The following CACNA1C variants were observed in gnomAD, a reference collection of about 807,000 sequenced individuals.
The protein encoded by CACNA1C is voltage-dependent L-type calcium channel subunit alpha-1C.
Under a neutral mutation model 229.0 loss-of-function variants are expected in CACNA1C, and 30 were observed. The observed-to-expected ratio is 0.13, with a 90% CI of 0.10 to 0.18. The LOEUF (loss-of-function observed/expected upper bound fraction) is 0.18. Among genes scored for constraint, CACNA1C ranks in the 10% least tolerant of loss-of-function variants. CACNA1C has a pLI of 1.00. For missense variants in CACNA1C, 1,658 were observed against 2,845.0 expected (o/e 0.58, Z 9.49); for synonymous variants, 1,114 against 1,132.5 (o/e 0.98, Z 0.33).
At chr12:2,395,608 C>T (rs1456873300) in intron 3 of CACNA1C, among the ~76,000 whole-genome samples, 1 of 152,156 alleles carries the variant, frequency 6.6e-6, no homozygotes, top group African/African-American at 2.4e-5. Flanking sequence ...AGTCGGGTCC[C>T]TCTGAGCCTC....
intron 5 of CACNA1C, among the ~76,000 whole-genome samples, chr12:2,463,130 C>T (rs931140789): frequency 1.3e-5 from 2 of 152,014 alleles, no homozygotes; most frequent in Non-Finnish European, 2.9e-5. Context: ...AGGATGGTCT[C>T]GATCTCCTGA....
At chr12:2,379,351 A>C (rs2098169136) in intron 3 of CACNA1C, among the ~76,000 whole-genome samples, 1 of 152,232 alleles carries the variant, frequency 6.6e-6, no homozygotes, top group Non-Finnish European at 1.5e-5. Flanking sequence ...AGCCTTTTAG[A>C]GAAATCTTAA....
At chr12:2,329,449 A>G (rs1245064955) in intron 3 of CACNA1C, among the ~76,000 whole-genome samples, 2 of 152,174 alleles carry the variant, frequency 1.3e-5, no homozygotes, top group Non-Finnish European at 2.9e-5. Context: ...GTGTCAGTGC[A>G]CCACCAGCCA....
In CACNA1C at chr12:2,651,051, G is replaced by T. The variant is rs749026929; in HGVS notation, c.3946-589G>T. Reference sequence around the variant, plus strand: ...GGACAGGGGCTGTGGAAAGTAGAAGGAGGTGATACAAGGAAAGTGCTGGAG... The same window carrying T: ...GGACAGGGGCTGTGGAAAGTAGAAGTAGGTGATACAAGGAAAGTGCTGGAG... On this transcript the variant is annotated intron_variant, in intron 31 of 46. Coordinates refer to ENST00000399655, the MANE Select transcript of CACNA1C (RefSeq NM_000719.7). The surrounding 1 kb of genome is among the most constrained non-coding windows in gnomAD (Gnocchi z 5.4). 1.2e-4 allele frequency: 19 copies of T among 153,072 alleles called. No homozygotes were observed. Among genetic ancestry groups the T allele is most frequent in the South Asian group, 2.1e-4 (1 of 4,860 alleles). The allele number at this position is 153,072 out of a possible 1,614,324, so 9.5% of individuals were successfully genotyped here.
Position 2,630,326 on chromosome 12 carries a change from G to A in CACNA1C, c.3829-3971G>A, listed in dbSNP as rs1330013028. Among the ~76,000 whole-genome samples, 1 of 152,134 alleles carries A rather than the reference G, an allele frequency of 6.6e-6. No homozygotes were observed. The highest frequency in any genetic ancestry group is 2.4e-5 in the African/African-American group (1 of 41,428). ...ATTACTAATGGTTTCCAGCAACCGA[G>A]GGGGCGGGCAAAAACAGAGAGAAGA... On this transcript the variant is annotated intron_variant, in intron 29 of 46. Transcript: ENST00000399655. This position sits in a 1 kb window ranked among gnomAD's most constrained non-coding sequence, Gnocchi z 5.4.
chr12:2,229,355 G>A (rs555620608), intron 3 of CACNA1C, among the ~76,000 whole-genome samples: 12 of 152,244 alleles, frequency 7.9e-5, no homozygotes, highest in African/African-American at 2.9e-4. Flanking sequence ...GCACACCTAG[G>A]AATATATACA....
chr12:2,232,830 A>C (rs975051599), intron 3 of CACNA1C, among the ~76,000 whole-genome samples: 1 of 152,180 alleles, frequency 6.6e-6, no homozygotes, highest in African/African-American at 2.4e-5. Flanking sequence ...TCTATGAGTA[A>C]TAATCCACTA....
chr12:2,067,711 C>T lies in CACNA1C; in HGVS notation c.49+14100C>T, dbSNP rs1488706171. 6.6e-6 allele frequency among the ~76,000 whole-genome samples: 1 copy of T among 152,048 alleles called. No individual in the cohort carries two copies. Among genetic ancestry groups the T allele is most frequent in the African/African-American group, 2.4e-5 (1 of 41,374 alleles). ...GCTTCCCACAGACTGTCTTGGGCAT[C>T]AAGGACAAGGAACCTGCACTGTTAA... On this transcript the variant is annotated intron_variant, in intron 1 of 46. Coordinates refer to ENST00000399655, the MANE Select transcript of CACNA1C (RefSeq NM_000719.7). This position sits in a 1 kb window ranked among gnomAD's most constrained non-coding sequence, Gnocchi z 5.3.
intron 7 of CACNA1C, among the ~76,000 whole-genome samples, chr12:2,502,130 G>GGACCCTGCGTGCTTCCTTCTGC (rs2099761932): frequency 6.6e-6 from 1 of 152,196 alleles, no homozygotes; most frequent in African/African-American, 2.4e-5. Flanking sequence ...AAGCCTTCTG[G>GGACCCTGCGTGCTTCCTTCTGC]GACCCTGCGT....
At chr12:2,387,330 C>A (rs2098409206) in intron 3 of CACNA1C, among the ~76,000 whole-genome samples, 1 of 152,046 alleles carries the variant, frequency 6.6e-6, no homozygotes, top group African/African-American at 2.4e-5. Flanking sequence ...ACTGAAAATA[C>A]AAAAATTAGT....
Position 2,677,316 on chromosome 12 carries a change from G to A in CACNA1C, c.4956+95G>A. ...CCCGGTCCCTCCCCAGCAGGCTGGA[G>A]GCCAGGTCCCTGCAGAGGGAACCTT... On this transcript the variant is annotated intron_variant, in intron 40 of 46. Transcript: ENST00000399655. This position sits in a 1 kb window ranked among gnomAD's most constrained non-coding sequence, Gnocchi z 7.4. 7.1e-7 allele frequency: 1 copy of A among 1,406,348 alleles called. No individual in the cohort carries two copies. The highest frequency in any genetic ancestry group is 9.7e-7 in the Non-Finnish European group (1 of 1,035,440). 87.1% of individuals were successfully genotyped at this position (1,406,348 alleles called of 1,614,324 possible).
At position 2,693,384 on chromosome 12, in the gene CACNA1C, T is replaced by A. The variant is rs1471541993; in HGVS notation, c.*2185T>A. ...TCTCTTTGGCTTCCTTAGGAAAGTG[T>A]ACACTAACCGGGAGGATAAAATTAA... On this transcript the variant is annotated 3_prime_UTR_variant, in exon 47 of 47. Transcript: ENST00000399655. The A allele has an allele frequency of 2.0e-5, 3 of 152,198 alleles. No homozygotes were observed. The East Asian group carries it at 5.8e-4, about 29-fold the overall frequency. The allele number at this position is 152,198 out of a possible 1,614,324, so 9.4% of individuals were successfully genotyped here.
intron 13 of CACNA1C, among the ~76,000 whole-genome samples, chr12:2,577,147 G>C (rs2058708890): frequency 6.6e-6 from 1 of 152,230 alleles, no homozygotes. Context: ...TGAATGGGAA[G>C]CAACAGTAGG....
intron 3 of CACNA1C, among the ~76,000 whole-genome samples, chr12:2,390,347 G>A (rs1428964366): frequency 6.6e-6 from 1 of 152,210 alleles, no homozygotes; most frequent in Non-Finnish European, 1.5e-5. Flanking sequence ...CCTGTGATGA[G>A]TAATGGGGGA....
intron 3 of CACNA1C, among the ~76,000 whole-genome samples, chr12:2,239,320 G>A (rs2068801375): frequency 1.3e-5 from 2 of 151,864 alleles, no homozygotes. Flanking sequence ...GTGAGGGCTG[G>A]GCCAATACCA....
chr12:2,509,162 C>T (rs1043560454), intron 8 of CACNA1C, among the ~76,000 whole-genome samples: 5 of 152,098 alleles, frequency 3.3e-5, no homozygotes, highest in Admixed American at 6.5e-5. Flanking sequence ...GCAGAGGACC[C>T]GGGAGGTAGG....
At chr12:2,395,560 G>C (rs527934571) in intron 3 of CACNA1C, among the ~76,000 whole-genome samples, 1 of 152,008 alleles carries the variant, frequency 6.6e-6, no homozygotes, top group African/African-American at 2.4e-5. Flanking sequence ...GACTCAGTGC[G>C]CCCCCAGTGG....
chr12:2,580,190 A>G (rs2059997661), intron 13 of CACNA1C, among the ~76,000 whole-genome samples: 1 of 152,228 alleles, frequency 6.6e-6, no homozygotes, highest in South Asian at 2.1e-4. Context: ...ATAGATGTAT[A>G]TTAATATTCT....
intron 3 of CACNA1C, among the ~76,000 whole-genome samples, chr12:2,124,054 C>G (rs1015178765): frequency 1.3e-5 from 2 of 151,982 alleles, no homozygotes; most frequent in African/African-American, 4.8e-5. Flanking sequence ...TGGACTCTTA[C>G]AGTCACCTCC....
Sources: allele counts gnomAD v4.1 joint callset (sites outside exome capture counted in the v4.1 genomes callset), GRCh38; gene constraint gnomAD v4.1.1; non-coding constraint Gnocchi (gnomAD v3.1); transcripts MANE v1.5; gene names NCBI Gene and HGNC (gene_info 2026-07-23, HGNC 2026-07-21).